The following CELF2 variants were observed in gnomAD, a reference collection of about 807,000 sequenced individuals.
CELF2 encodes the protein CUGBP Elav-like family member 2, also known as CUG triplet repeat RNA-binding protein 2.
A neutral mutation model predicts 62.6 loss-of-function variants in CELF2; 8 were observed. The observed-to-expected ratio is 0.13, with a 90% CI of 0.07 to 0.23. The LOEUF (loss-of-function observed/expected upper bound fraction) is 0.23. Ranked by LOEUF, CELF2 falls within the 10% of genes least tolerant of loss-of-function variation. The probability of loss-of-function intolerance (pLI) is 1.00; values close to 1 mark genes in which losing one functional copy is unlikely to be tolerated. For missense variants in CELF2, 333 were observed against 671.0 expected, an observed-to-expected ratio of 0.50 and a Z score of 5.56; for synonymous variants, 258 against 250.0, an observed-to-expected ratio of 1.03 and a Z score of -0.30.
chr10:10,690,166 C>T, the CELF2 span, among the ~76,000 whole-genome samples: 1 of 152,162 alleles, frequency 6.6e-6, no homozygotes, highest in Non-Finnish European at 1.5e-5. Context: ...ATATAGGTTT[C>T]CTCCTTGCTG....
chr10:10,871,118 C>A (rs987022123), intron 1 of CELF2, among the ~76,000 whole-genome samples: 2 of 152,178 alleles, frequency 1.3e-5, no homozygotes, highest in African/African-American at 4.8e-5. Flanking sequence ...AGAGCCGGTT[C>A]GCAGTCAAGC....
chr10:11,318,660 G>A lies in CELF2; in HGVS notation c.1097-2529G>A, dbSNP rs2095229087. On this transcript the variant is annotated intron_variant, in intron 10 of 12. Transcript: ENST00000633077. The surrounding 1 kb of genome is among the most constrained non-coding windows in gnomAD (Gnocchi z 5.4). ...ACATCCATCCAGTATTTCAAGAGCAGGAGCTGTGTTCTGCTTCTGCATTGT... is the reference window on the plus strand; with the variant it reads ...ACATCCATCCAGTATTTCAAGAGCAAGAGCTGTGTTCTGCTTCTGCATTGT... The A allele has an allele frequency of 2.5e-6, 1 of 407,166 alleles. No individual in the cohort carries two copies. The highest frequency in any genetic ancestry group is 5.1e-6 in the Non-Finnish European group (1 of 196,610). 25.2% of individuals were successfully genotyped at this position (407,166 alleles called of 1,614,324 possible).
intron 2 of CELF2, among the ~76,000 whole-genome samples, chr10:10,999,080 C>A (rs2054259761): frequency 6.6e-6 from 1 of 152,092 alleles, no homozygotes; most frequent in Non-Finnish European, 1.5e-5. Context: ...GTATCAAATC[C>A]TTAAAGTTAG....
intron 1 of CELF2, among the ~76,000 whole-genome samples, chr10:11,066,414 A>C (rs1291849): frequency 1.3e-5 from 2 of 151,608 alleles, no homozygotes; most frequent in African/African-American, 2.4e-5. Flanking sequence ...CATCACCTTC[A>C]TTTTATAGGG....
chr10:11,046,481 G>GATAAAGTATATTAAA lies in CELF2; in HGVS notation c.74+28318_74+28319insATAAAGTATATTAAA, dbSNP rs2062868173. Among the ~76,000 whole-genome samples the GATAAAGTATATTAAA allele has an allele frequency of 6.6e-6, 1 of 152,202 alleles. No homozygotes were observed. The highest frequency in any genetic ancestry group is 1.5e-5 in the Non-Finnish European group (1 of 68,044). ...ATAAAGGGAAGATAAAGTATATTAA[G>GATAAAGTATATTAAA]GTTCTCATTAGGCGCACTGCCTGAT... On this transcript the variant is annotated intron_variant, in intron 1 of 12. Coordinates refer to ENST00000633077, the MANE Select transcript of CELF2 (RefSeq NM_001326342.2). This position sits in a 1 kb window ranked among gnomAD's most constrained non-coding sequence, Gnocchi z 4.6.
At chr10:10,675,211 A>T in the CELF2 span, among the ~76,000 whole-genome samples, 22 of 152,236 alleles carry the variant, frequency 1.4e-4, no homozygotes, top group East Asian at 4.1e-3. Flanking sequence ...TTTTCTAAGA[A>T]AGTCCTTATT....
At chr10:11,239,409 C>T (rs1385462720) in intron 3 of CELF2, among the ~76,000 whole-genome samples, 1 of 152,032 alleles carries the variant, frequency 6.6e-6, no homozygotes, top group East Asian at 1.9e-4. Flanking sequence ...TGTATATATC[C>T]CAGGTGACCG....
the CELF2 span, among the ~76,000 whole-genome samples, chr10:10,648,969 A>T: frequency 2.0e-5 from 3 of 152,128 alleles, no homozygotes; most frequent in African/African-American, 7.2e-5. Context: ...ACTGCATTGA[A>T]ATGTTATGTG....
the CELF2 span, among the ~76,000 whole-genome samples, chr10:10,682,965 C>T: frequency 6.6e-6 from 1 of 152,126 alleles, no homozygotes; most frequent in Non-Finnish European, 1.5e-5. Flanking sequence ...ACAACATGGA[C>T]CAGCAAGCCC....
chr10:10,879,360 C>T (rs1212659942), intron 1 of CELF2, among the ~76,000 whole-genome samples: 1 of 152,116 alleles, frequency 6.6e-6, no homozygotes, highest in Non-Finnish European at 1.5e-5. Context: ...TCAAATGCAA[C>T]CTGGTTAAAT....
chr10:11,298,258 G>A (rs1270678143), intron 9 of CELF2, among the ~76,000 whole-genome samples: 3 of 152,190 alleles, frequency 2.0e-5, no homozygotes, highest in African/African-American at 7.2e-5. Flanking sequence ...ATCTCCCCCT[G>A]GGAGGAGCCC....
the CELF2 span, among the ~76,000 whole-genome samples, chr10:10,709,752 C>T: frequency 1.3e-5 from 2 of 152,174 alleles, no homozygotes; most frequent in Non-Finnish European, 2.9e-5. Flanking sequence ...TCAGTTACAT[C>T]CATTAAGAAA....
At chr10:10,842,951 G>C (rs940967652) in intron 1 of CELF2, among the ~76,000 whole-genome samples, 1 of 151,946 alleles carries the variant, frequency 6.6e-6, no homozygotes, top group African/African-American at 2.4e-5. Context: ...GAGGAAGAAA[G>C]GTTACTTATT....
chr10:10,680,538 C>A, the CELF2 span, among the ~76,000 whole-genome samples: 5 of 152,330 alleles, frequency 3.3e-5, no homozygotes, highest in East Asian at 9.6e-4. Flanking sequence ...AGGCCAACCA[C>A]AGAAGCCCAC....
At chr10:10,996,933 C>G (rs142667431) in intron 2 of CELF2, among the ~76,000 whole-genome samples, 1 of 152,064 alleles carries the variant, frequency 6.6e-6, no homozygotes, top group South Asian at 2.1e-4. Flanking sequence ...TTTTTGGTTG[C>G]CTTCTTGGTC....
At chr10:10,961,327 C>G (rs1298390165) in intron 2 of CELF2, among the ~76,000 whole-genome samples, 2 of 152,108 alleles carry the variant, frequency 1.3e-5, no homozygotes, top group African/African-American at 4.8e-5. Flanking sequence ...AAGAGAAAAA[C>G]TAAAAATGTA....
intron 1 of CELF2, among the ~76,000 whole-genome samples, chr10:10,800,685 C>T (rs1386923773): frequency 6.6e-6 from 1 of 152,122 alleles, no homozygotes; most frequent in African/African-American, 2.4e-5. Context: ...TGGCTTTTTA[C>T]TTTCGTTAAA....
At chr10:10,726,195 G>A in the CELF2 span, among the ~76,000 whole-genome samples, 21 of 152,222 alleles carry the variant, frequency 1.4e-4, no homozygotes, top group African/African-American at 4.8e-4. Context: ...GTCCATCTTA[G>A]TGGCTCCAGA....
chr10:10,617,945 TC>T, the CELF2 span, among the ~76,000 whole-genome samples: 2 of 151,892 alleles, frequency 1.3e-5, no homozygotes, highest in Non-Finnish European at 2.9e-5. Flanking sequence ...GCTCTAAAAA[TC>T]CCCCGGCCGT....
Sources: gnomAD v4.1 joint callset for allele counts (sites outside exome capture counted in the v4.1 genomes callset) on GRCh38, gnomAD v4.1.1 for gene constraint, Gnocchi (gnomAD v3.1) non-coding constraint, MANE v1.5 for transcripts, NCBI Gene and HGNC (gene_info 2026-07-23, HGNC 2026-07-21) for gene names.